The following PTPRT variants were observed in gnomAD, a reference collection of about 807,000 sequenced individuals.
The protein encoded by PTPRT is receptor-type tyrosine-protein phosphatase T.
A neutral mutation model predicts 176.8 loss-of-function variants in PTPRT; 56 were observed. The ratio of observed to expected loss-of-function variants is 0.32; its 90% CI spans 0.26 to 0.40. PTPRT has a LOEUF of 0.40. Among genes scored for constraint, PTPRT ranks in the 10% least tolerant of loss-of-function variants. The pLI is 1.00. For missense variants in PTPRT, 1,540 were observed against 1,908.2 expected, an observed-to-expected ratio of 0.81 and a Z score of 3.60; for synonymous variants, 783 against 739.0, an observed-to-expected ratio of 1.06 and a Z score of -0.96.
chr20:43,074,688 T>C (rs1837539646), intron 1 of PTPRT, among the ~76,000 whole-genome samples: 1 of 152,202 alleles, frequency 6.6e-6, no homozygotes, highest in African/African-American at 2.4e-5. Context: ...CTTGGAACTT[T>C]CTAGTACTTA....
intron 6 of PTPRT, among the ~76,000 whole-genome samples, chr20:42,692,797 A>C (rs2075812053): frequency 6.6e-6 from 1 of 152,224 alleles, no homozygotes; most frequent in Non-Finnish European, 1.5e-5. Flanking sequence ...GTTAATTTAG[A>C]AAAGTTCCAT....
At chr20:42,522,552 C>T (rs929872831) in intron 7 of PTPRT, among the ~76,000 whole-genome samples, 3 of 152,056 alleles carry the variant, frequency 2.0e-5, no homozygotes, top group African/African-American at 4.8e-5. Flanking sequence ...CCTCCGCCTC[C>T]CAGGTTCAAG....
intron 13 of PTPRT, among the ~76,000 whole-genome samples, chr20:42,280,473 C>A (rs372822716): frequency 1.4e-4 from 21 of 152,216 alleles, no homozygotes; most frequent in Admixed American, 5.2e-4. Context: ...AACCAGAATG[C>A]GGATGCTCTG....
intron 1 of PTPRT, among the ~76,000 whole-genome samples, chr20:43,158,157 A>G (rs1389199606): frequency 1.3e-5 from 2 of 152,248 alleles, no homozygotes; most frequent in African/African-American, 2.4e-5. Context: ...CTCTGGATGT[A>G]GTTTGAAGAC....
intron 7 of PTPRT, among the ~76,000 whole-genome samples, chr20:42,568,612 C>T (rs1001256737): frequency 6.6e-6 from 1 of 152,266 alleles, no homozygotes. Context: ...AAGCTGAATG[C>T]CAGAACTCAA....
At position 43,144,536 on chromosome 20, in the gene PTPRT, A is replaced by T. The variant is rs561701248; in HGVS notation, c.88+45110T>A. On this transcript the variant is annotated intron_variant, in intron 1 of 30. Coordinates refer to ENST00000373187, the MANE Select transcript of PTPRT (RefSeq NM_007050.6). ...TTTCCTAACTAGTCTTACTTCTACCACCTTACCCACTCTATCCATTTTCCT... is the reference window on the plus strand; with the variant it reads ...TTTCCTAACTAGTCTTACTTCTACCTCCTTACCCACTCTATCCATTTTCCT... Among the ~76,000 whole-genome samples the T allele has an allele frequency of 1.7e-4, 26 of 152,150 alleles. No homozygotes were observed. In the East Asian group the frequency reaches 2.7e-3, roughly 16 times the overall value.
chr20:42,427,455 G>A (rs1002986952), intron 9 of PTPRT, among the ~76,000 whole-genome samples: 2 of 152,134 alleles, frequency 1.3e-5, no homozygotes, highest in African/African-American at 2.4e-5. Flanking sequence ...GGAAATCCAC[G>A]ATCAAGGTGC....
At chr20:42,089,806 A>T (rs192131586) in intron 27 of PTPRT, among the ~76,000 whole-genome samples, 7 of 152,320 alleles carry the variant, frequency 4.6e-5, no homozygotes, top group Admixed American at 1.3e-4. Flanking sequence ...TATTCTAGCC[A>T]TGGGAAATAA....
intron 17 of PTPRT, among the ~76,000 whole-genome samples, chr20:42,150,355 GT>G (rs1278257925): frequency 6.6e-6 from 1 of 152,150 alleles, no homozygotes; most frequent in Non-Finnish European, 1.5e-5. Context: ...AATTGGATAT[GT>G]TATGCCCTAG....
At chr20:42,410,676 T>C (rs1600977708) in intron 9 of PTPRT, among the ~76,000 whole-genome samples, 1 of 152,024 alleles carries the variant, frequency 6.6e-6, no homozygotes, top group Non-Finnish European at 1.5e-5. Context: ...TACCATACTA[T>C]GAAACAAATC....
intron 6 of PTPRT, among the ~76,000 whole-genome samples, chr20:42,679,916 C>T (rs191924647): frequency 1.8e-4 from 28 of 152,188 alleles, no homozygotes; most frequent in Admixed American, 7.2e-4. Context: ...TTAGAACCAA[C>T]TGCGAGGAAT....
At chr20:42,898,363 C>A (rs2079340958) in intron 1 of PTPRT, among the ~76,000 whole-genome samples, 1 of 152,168 alleles carries the variant, frequency 6.6e-6, no homozygotes, top group South Asian at 2.1e-4. Context: ...CATGTACCAC[C>A]AAACTTGGCT....
chr20:42,557,044 T>G (rs951628216), intron 7 of PTPRT, among the ~76,000 whole-genome samples: 1 of 152,116 alleles, frequency 6.6e-6, no homozygotes, highest in African/African-American at 2.4e-5. Context: ...ACTAACATCC[T>G]ATACATACAG....
At chr20:42,107,755 G>A (rs2146272931) in intron 23 of PTPRT, among the ~76,000 whole-genome samples, 1 of 152,338 alleles carries the variant, frequency 6.6e-6, no homozygotes, top group East Asian at 1.9e-4. Flanking sequence ...ATGGAAACAA[G>A]TGTCTTTGTC....
intron 7 of PTPRT, among the ~76,000 whole-genome samples, chr20:42,507,124 T>C (rs2071860851): frequency 6.6e-6 from 1 of 152,106 alleles, no homozygotes; most frequent in Non-Finnish European, 1.5e-5. Flanking sequence ...ACTCACTTTA[T>C]ATATCCATGG....
chr20:42,432,222 G>C (rs1244707894), intron 9 of PTPRT, among the ~76,000 whole-genome samples: 4 of 152,120 alleles, frequency 2.6e-5, no homozygotes, highest in Non-Finnish European at 2.9e-5. Context: ...GGAGCCTATG[G>C]CACCAGTCTG....
chr20:42,226,215 G>A (rs2056006515), intron 15 of PTPRT, among the ~76,000 whole-genome samples: 1 of 152,202 alleles, frequency 6.6e-6, no homozygotes, highest in Non-Finnish European at 1.5e-5. Flanking sequence ...CTTAGCACAA[G>A]GGAATTGCTC....
At chr20:42,313,209 G>T (rs914350867) in intron 12 of PTPRT, among the ~76,000 whole-genome samples, 3 of 152,106 alleles carry the variant, frequency 2.0e-5, no homozygotes, top group African/African-American at 7.2e-5. Flanking sequence ...GTCTAAAAAG[G>T]GGAGGCATGA....
intron 27 of PTPRT, among the ~76,000 whole-genome samples, chr20:42,087,945 G>A (rs902473036): frequency 2.0e-5 from 3 of 150,760 alleles, no homozygotes; most frequent in Non-Finnish European, 3.0e-5. Context: ...CTTTGTCTCT[G>A]TTAAGCCACT....
Sources: allele counts gnomAD v4.1 joint callset (sites outside exome capture counted in the v4.1 genomes callset), GRCh38; gene constraint gnomAD v4.1.1; transcripts MANE v1.5; gene names NCBI Gene and HGNC (gene_info 2026-07-23, HGNC 2026-07-21).